Variants in CCDC171 observed in about 807,000 individuals in gnomAD.
The protein encoded by CCDC171 is coiled-coil domain containing 171, also known as coiled-coil domain-containing protein 171.
A neutral mutation model predicts 168.2 loss-of-function variants in CCDC171; 177 were observed. The ratio of observed to expected loss-of-function variants is 1.05; its 90% CI spans 0.93 to 1.19. The LOEUF (loss-of-function observed/expected upper bound fraction) is 1.19. CCDC171 is among the 50% of genes most tolerant of loss of function. The pLI is 0.00. For synonymous variants in CCDC171, 687 were observed against 540.8 expected (o/e 1.27, Z -3.75); for missense variants, 1,991 against 1,539.0 (o/e 1.29, Z -4.91).
intron 7 of CCDC171, among the ~76,000 whole-genome samples, chr9:15,643,591 A>G (rs1000173045): frequency 1.3e-5 from 2 of 152,132 alleles, no homozygotes; most frequent in Non-Finnish European, 2.9e-5. Flanking sequence ...CATAAAACTC[A>G]CCCTTTAAAA....
At chr9:15,931,538 A>G in intron 25 of CCDC171, among the ~76,000 whole-genome samples, 1 of 127,880 alleles carries the variant, frequency 7.8e-6, no homozygotes, top group East Asian at 2.4e-4. Flanking sequence ...AGAGGTGTAT[A>G]GTTTACCTAT....
At chr9:15,560,434 T>G (rs1267940649) in intron 1 of CCDC171, among the ~76,000 whole-genome samples, 1 of 152,166 alleles carries the variant, frequency 6.6e-6, no homozygotes, top group Non-Finnish European at 1.5e-5. Context: ...TTCTTTTTAC[T>G]CTTTTTTCTC....
chr9:15,950,216 G>T (rs1277707040), intron 25 of CCDC171, among the ~76,000 whole-genome samples: 1 of 149,918 alleles, frequency 6.7e-6, no homozygotes, highest in Non-Finnish European at 1.5e-5. Flanking sequence ...TATCATCCAG[G>T]AGAACTTCCC....
chr9:15,880,288 C>G (rs922853456), intron 24 of CCDC171, among the ~76,000 whole-genome samples: 2 of 152,110 alleles, frequency 1.3e-5, no homozygotes, highest in African/African-American at 2.4e-5. Flanking sequence ...AAGTTGTTGT[C>G]TATAGGAGTT....
rs1444951564 is a variant in CCDC171, at chr9:15,744,478, G to C, written c.2255G>C (p.Arg752Thr). The part of the protein sequence containing the change: ...YSRSCALSTQ[R>T]DFLQEQVNTF... ...CGATCATGCGCCTTGTCTACACAGA[G>C]AGATTTTCTCCAGGAGCAGGTCAAC... Residue 752 changes from arginine (R) to threonine (T), a missense_variant, in exon 17 of 26, where the codon AGA (arginine) becomes ACA (threonine). Transcript: ENST00000380701. 6 of 1,614,070 alleles carry C rather than the reference G, an allele frequency of 3.7e-6. No homozygotes were observed. The African/African-American group carries it at 5.3e-5, about 14-fold the overall frequency.
intron 6 of CCDC171, among the ~76,000 whole-genome samples, chr9:15,608,019 G>A (rs1231074510): frequency 6.6e-6 from 1 of 152,182 alleles, no homozygotes; most frequent in Non-Finnish European, 1.5e-5. Context: ...TTGCTGATGG[G>A]AACTCTGCAG....
At chr9:15,903,964 G>T (rs1344651057) in intron 24 of CCDC171, among the ~76,000 whole-genome samples, 2 of 152,128 alleles carry the variant, frequency 1.3e-5, no homozygotes, top group Non-Finnish European at 2.9e-5. Context: ...AGTGAGAAGA[G>T]AAGTTTAGAG....
At chr9:15,999,839 A>G (rs1464916706) in intron 3 of CCDC171, among the ~76,000 whole-genome samples, 2 of 152,192 alleles carry the variant, frequency 1.3e-5, no homozygotes, top group African/African-American at 2.4e-5. Context: ...GGGGAGAGGA[A>G]ATGAATCATG....
At chr9:15,890,833 T>C (rs1820122178) in intron 24 of CCDC171, among the ~76,000 whole-genome samples, 1 of 152,134 alleles carries the variant, frequency 6.6e-6, no homozygotes, top group Admixed American at 6.6e-5. Context: ...AATTTTGTTA[T>C]AGAATAGAGA....
chr9:15,609,048 C>T (rs1216915842), intron 6 of CCDC171, among the ~76,000 whole-genome samples: 1 of 115,020 alleles, frequency 8.7e-6, no homozygotes, highest in Non-Finnish European at 1.8e-5. Flanking sequence ...ACATCTTTTT[C>T]TTCTTTGTAG....
chr9:16,025,260 G>A (rs1833255087), intron 6 of CCDC171, among the ~76,000 whole-genome samples: 2 of 152,140 alleles, frequency 1.3e-5, no homozygotes, highest in African/African-American at 4.8e-5. Flanking sequence ...TGGCCAACAT[G>A]GTAAAATGCT....
intron 25 of CCDC171, among the ~76,000 whole-genome samples, chr9:15,949,990 A>C (rs1828923077): frequency 6.6e-6 from 1 of 152,072 alleles, no homozygotes; most frequent in Non-Finnish European, 1.5e-5. Flanking sequence ...ATCAATAGTT[A>C]ATTTATTGAG....
At chr9:15,580,033 T>C (rs906353069) in intron 4 of CCDC171, among the ~76,000 whole-genome samples, 3 of 152,134 alleles carry the variant, frequency 2.0e-5, no homozygotes, top group Non-Finnish European at 4.4e-5. Flanking sequence ...TGGAGACTAA[T>C]GGAACAGAAC....
chr9:16,062,576 A>G (rs1833945843), downstream of CCDC171, among the ~76,000 whole-genome samples: 1 of 151,942 alleles, frequency 6.6e-6, no homozygotes, highest in African/African-American at 2.4e-5. Context: ...GAAAACAAAA[A>G]GAAAGTAAGG....
chr9:15,937,354 A>G (rs1827227568), intron 25 of CCDC171, among the ~76,000 whole-genome samples: 1 of 152,054 alleles, frequency 6.6e-6, no homozygotes, highest in Admixed American at 6.6e-5. Context: ...ATATTTTAAT[A>G]TAAGTAAATT....
At chr9:15,806,511 A>G (rs1043250511) in intron 21 of CCDC171, among the ~76,000 whole-genome samples, 9 of 152,190 alleles carry the variant, frequency 5.9e-5, no homozygotes, top group African/African-American at 1.9e-4. Flanking sequence ...TTGGCTGGAT[A>G]TGAAATCCTT....
intron 10 of CCDC171, among the ~76,000 whole-genome samples, chr9:15,681,309 A>AACTT (rs2050026546): frequency 6.6e-6 from 1 of 152,070 alleles, no homozygotes; most frequent in Admixed American, 6.6e-5. Context: ...ATGTTCGAAA[A>AACTT]ACTTACTCAG....
chr9:15,578,383 C>G (rs1324898811), intron 3 of CCDC171, among the ~76,000 whole-genome samples: 2 of 149,396 alleles, frequency 1.3e-5, no homozygotes, highest in Non-Finnish European at 3.0e-5. Context: ...TACAGGTGCA[C>G]ACCACCATGC....
At chr9:15,949,220 C>G (rs1050039484) in intron 25 of CCDC171, among the ~76,000 whole-genome samples, 2 of 151,950 alleles carry the variant, frequency 1.3e-5, no homozygotes, top group Non-Finnish European at 2.9e-5. Flanking sequence ...GTTTTGGTTA[C>G]TGTAGCCTTG....
Sources: gnomAD v4.1 joint callset for allele counts (sites outside exome capture counted in the v4.1 genomes callset) on GRCh38, gnomAD v4.1.1 for gene constraint, MANE v1.5 for transcripts, NCBI Gene and HGNC (gene_info 2026-07-23, HGNC 2026-07-21) for gene names.